The following PDE8B variants were observed in gnomAD, a reference collection of about 807,000 sequenced individuals.
PDE8B encodes phosphodiesterase 8B, also known as high affinity cAMP-specific and IBMX-insensitive 3',5'-cyclic phosphodiesterase 8B.
In PDE8B, 26 loss-of-function variants were observed where a neutral mutation model predicts 101.3. The ratio of observed to expected loss-of-function variants is 0.26; its 90% CI spans 0.19 to 0.36. PDE8B has a LOEUF of 0.36. Ranked by LOEUF, PDE8B falls within the 10% of genes least tolerant of loss-of-function variation. The pLI, the probability that PDE8B is intolerant of heterozygous loss-of-function variation, is 1.00. For synonymous variants in PDE8B, 424 were observed against 429.3 expected (o/e 0.99, Z 0.15); for missense variants, 810 against 1,163.1 (o/e 0.70, Z 4.42).
chr5:77,290,325 C>T (rs1000755944), intron 1 of PDE8B: 14 of 1,510,768 alleles, frequency 9.3e-6, no homozygotes, highest in Admixed American at 6.7e-5. Flanking sequence ...GGTGGGGCTC[C>T]GAGAGGAAAA....
At chr5:77,278,631 G>A (rs1031036822) in intron 1 of PDE8B, among the ~76,000 whole-genome samples, 10 of 151,954 alleles carry the variant, frequency 6.6e-5, no homozygotes, top group Non-Finnish European at 1.2e-4. Flanking sequence ...CACCACGCCC[G>A]GCTAATTTTT....
the PDE8B span, among the ~76,000 whole-genome samples, chr5:77,178,109 T>C: frequency 1.3e-5 from 2 of 152,226 alleles, no homozygotes; most frequent in Admixed American, 1.3e-4. Context: ...CTAGTACTTC[T>C]TAACTGGCTC....
chr5:77,344,913 C>A lies in PDE8B; in HGVS notation c.858C>A (p.Ser286Arg). ...GTCATGAAGCCATAGAAATAACAAG[C>A]GATGACCACGTGATTCAGGTATGGA... ...DHCHEAIEIT[S>R]DDHVIQYVNP... is the part of the protein sequence containing the mutation. Residue 286 changes from serine (S) to arginine (R), a missense_variant, in exon 7 of 22, where the codon AGC (serine) becomes AGA (arginine). Transcript: ENST00000264917. 1 of 1,607,062 alleles carries A rather than the reference C, an allele frequency of 6.2e-7. No homozygotes were observed. Among genetic ancestry groups the A allele is most frequent in the Non-Finnish European group, 8.5e-7 (1 of 1,173,564 alleles).
the PDE8B span, among the ~76,000 whole-genome samples, chr5:77,106,948 A>G: frequency 6.6e-6 from 1 of 152,098 alleles, no homozygotes; most frequent in African/African-American, 2.4e-5. Flanking sequence ...CATGTGCACA[A>G]CGTGCAGGTT....
At chr5:77,192,116 A>G in the PDE8B span, among the ~76,000 whole-genome samples, 1 of 152,138 alleles carries the variant, frequency 6.6e-6, no homozygotes, top group African/African-American at 2.4e-5. Flanking sequence ...TGCTTGGCCT[A>G]CCGCTCACCT....
At chr5:77,374,791 G>A (rs971403089) in intron 10 of PDE8B, among the ~76,000 whole-genome samples, 2 of 152,204 alleles carry the variant, frequency 1.3e-5, no homozygotes, top group Non-Finnish European at 2.9e-5. Flanking sequence ...TGAATCTTGA[G>A]CACTGAAGAT....
In PDE8B at chr5:77,419,921, C is replaced by T. The variant is rs751105604; in HGVS notation, c.2250+34C>T. 3.7e-6 allele frequency: 6 copies of T among 1,611,698 alleles called. No homozygotes were observed. In the African/African-American group the frequency reaches 8.0e-5, roughly 22 times the overall value. On this transcript the variant is annotated intron_variant, in intron 19 of 21. Coordinates refer to ENST00000264917, the MANE Select transcript of PDE8B (RefSeq NM_003719.5). Reference sequence around the variant, plus strand: ...TGCTTTCCATGCCATAAGGCACATCCAAGTACATTTCCATAAGAGCCTGCT... The same window carrying T: ...TGCTTTCCATGCCATAAGGCACATCTAAGTACATTTCCATAAGAGCCTGCT...
chr5:77,202,932 C>T, the PDE8B span, among the ~76,000 whole-genome samples: 2 of 152,198 alleles, frequency 1.3e-5, no homozygotes, highest in Non-Finnish European at 2.9e-5. Flanking sequence ...TCAAAAGTAA[C>T]ATGTGGATTT....
rs1798486856 is a variant in PDE8B, at chr5:77,428,256, A to C, written c.*1702A>C. 6.6e-6 allele frequency: 1 copy of C among 152,152 alleles called. No individual in the cohort carries two copies. The highest frequency in any genetic ancestry group is 2.4e-5 in the African/African-American group (1 of 41,434). The allele number at this position is 152,152 out of a possible 1,614,324, so 9.4% of individuals were successfully genotyped here. A position where few individuals can be genotyped will look rare whatever the true frequency, so the allele number is the denominator to read the frequency against. ...TGGCCTAAAGTTTTCATAATTTCAA[A>C]TTTGGGGTTTAGTGTCCTTTATTTC... is the stretch of plus-strand genomic sequence containing the variant. On this transcript the variant is annotated 3_prime_UTR_variant, in exon 22 of 22. Transcript: ENST00000264917.
chr5:77,164,479 G>A, the PDE8B span, among the ~76,000 whole-genome samples: 1 of 152,196 alleles, frequency 6.6e-6, no homozygotes, highest in Non-Finnish European at 1.5e-5. Flanking sequence ...AGAGGTCAAA[G>A]CTATAGGTTT....
At chr5:77,164,998 G>A in the PDE8B span, among the ~76,000 whole-genome samples, 29 of 152,176 alleles carry the variant, frequency 1.9e-4, no homozygotes, top group African/African-American at 6.3e-4. Context: ...AACTGGCTTG[G>A]TAGGAGAAAG....
intron 9 of PDE8B, 114 bp downstream of exon 9, chr5:77,351,267 G>A (rs1487325266): frequency 8.6e-6 from 7 of 811,696 alleles, no homozygotes; most frequent in Non-Finnish European, 1.5e-5. Context: ...GTAGGGTTGT[G>A]CTGAATGTAG....
At chr5:77,250,835 G>C (rs1286471186) in intron 1 of PDE8B, among the ~76,000 whole-genome samples, 1 of 152,224 alleles carries the variant, frequency 6.6e-6, no homozygotes. Flanking sequence ...GTGAGGAGGG[G>C]ATGCAAAAGG....
chr5:77,272,467 C>A (rs832790), intron 1 of PDE8B, among the ~76,000 whole-genome samples: 71,526 of 151,914 alleles, frequency 0.47, 17,397 homozygotes, highest in East Asian at 0.74. Flanking sequence ...GCCCTTTGTA[C>A]ATATGGTTCC....
intron 1 of PDE8B, among the ~76,000 whole-genome samples, chr5:77,233,253 T>C (rs979180452): frequency 3.9e-5 from 6 of 152,082 alleles, no homozygotes; most frequent in African/African-American, 1.4e-4. Context: ...AAGAGAAGGC[T>C]GGGTGACACA....
At chr5:77,177,238 A>C in the PDE8B span, among the ~76,000 whole-genome samples, 1 of 152,218 alleles carries the variant, frequency 6.6e-6, no homozygotes, top group Non-Finnish European at 1.5e-5. Flanking sequence ...AAAGACACTT[A>C]AAACCTAACA....
chr5:77,366,280 A>G (rs892766621), intron 10 of PDE8B, among the ~76,000 whole-genome samples: 1 of 152,142 alleles, frequency 6.6e-6, no homozygotes, highest in African/African-American at 2.4e-5. Context: ...GCGACGCTGC[A>G]CCACCAAAAC....
Position 77,276,107 on chromosome 5 carries a change from A to T in PDE8B, c.340-35887A>T, listed in dbSNP as rs1215996525. On this transcript the variant is annotated intron_variant, in intron 1 of 21. Transcript: ENST00000264917. ...TTTGTTTGTAGAGTTCTTTAGAAGAACTTAGTACAATTATCTGAAAGTGTC... is the reference window on the plus strand; with the variant it reads ...TTTGTTTGTAGAGTTCTTTAGAAGATCTTAGTACAATTATCTGAAAGTGTC... Among the ~76,000 whole-genome samples the T allele has an allele frequency of 2.0e-5, 3 of 152,238 alleles. No homozygotes were observed. In the South Asian group the frequency reaches 6.2e-4, roughly 31 times the overall value.
At chr5:77,103,871 C>G in the PDE8B span, among the ~76,000 whole-genome samples, 3 of 152,298 alleles carry the variant, frequency 2.0e-5, no homozygotes, top group East Asian at 5.8e-4. Context: ...AGGAGTTACA[C>G]TTAGAGTTAT....
Sources: gnomAD v4.1 joint callset for allele counts (sites outside exome capture counted in the v4.1 genomes callset) on GRCh38, gnomAD v4.1.1 for gene constraint, MANE v1.5 for transcripts, NCBI Gene and HGNC (gene_info 2026-07-23, HGNC 2026-07-21) for gene names.